EPHA6: variants seen among roughly 807,000 people sequenced by gnomAD.
The protein encoded by EPHA6 is EPH receptor A6.
EPHA6 carries 50 observed loss-of-function variants against 112.0 expected under a neutral mutation model. The ratio of observed to expected loss-of-function variants is 0.45; its 90% CI spans 0.36 to 0.56. EPHA6 has a LOEUF of 0.56. Among genes scored for constraint, EPHA6 ranks in the 20% least tolerant of loss-of-function variants. The probability of loss-of-function intolerance (pLI) is 0.00; values close to 1 mark genes in which losing one functional copy is unlikely to be tolerated. For synonymous variants in EPHA6, 529 were observed against 490.7 expected, an observed-to-expected ratio of 1.08 and a Z score of -1.03; for missense variants, 1,280 against 1,417.4, an observed-to-expected ratio of 0.90 and a Z score of 1.56.
intron 14 of EPHA6, among the ~76,000 whole-genome samples, chr3:97,642,073 C>T (rs1252694570): frequency 6.2e-5 from 9 of 145,378 alleles, no homozygotes; most frequent in African/African-American, 2.3e-4. Context: ...GTGGTTCTCC[C>T]AGCACGCAGC....
intron 10 of EPHA6, among the ~76,000 whole-genome samples, chr3:97,510,226 C>T (rs1050110855): frequency 1.3e-5 from 2 of 152,156 alleles, no homozygotes; most frequent in Non-Finnish European, 2.9e-5. Context: ...AGTTTTGTTC[C>T]CTTGCTTGTG....
chr3:97,744,585 G>T (rs536956930), intron 16 of EPHA6, among the ~76,000 whole-genome samples: 122 of 152,096 alleles, frequency 8.0e-4, no homozygotes, highest in Non-Finnish European at 1.0e-4. Context: ...AAGATGCGTG[G>T]AGAGAAAGGG....
chr3:97,597,232 G>A (rs966537270), intron 12 of EPHA6, among the ~76,000 whole-genome samples: 3 of 151,962 alleles, frequency 2.0e-5, no homozygotes, highest in African/African-American at 4.8e-5. Context: ...TTGCCTGCCT[G>A]TGCTTTAAGT....
At chr3:97,301,822 T>C (rs955174872) in intron 5 of EPHA6, among the ~76,000 whole-genome samples, 12 of 152,078 alleles carry the variant, frequency 7.9e-5, no homozygotes, top group African/African-American at 2.9e-4. Flanking sequence ...GTTTAACTTA[T>C]AATTATATAA....
chr3:97,062,504 A>G (rs1022259294), intron 3 of EPHA6, among the ~76,000 whole-genome samples: 1 of 152,208 alleles, frequency 6.6e-6, no homozygotes, highest in Non-Finnish European at 1.5e-5. Flanking sequence ...CAATAATCCT[A>G]TTAAGAAGTG....
intron 9 of EPHA6, among the ~76,000 whole-genome samples, chr3:97,480,512 G>A (rs912157694): frequency 2.6e-5 from 4 of 152,070 alleles, no homozygotes; most frequent in African/African-American, 9.7e-5. Flanking sequence ...AACCCTGAGT[G>A]GACACAGCAC....
At position 97,259,799 on chromosome 3, in the gene EPHA6, A is replaced by G. The variant is rs927234495; in HGVS notation, c.1606+15512A>G. 1.2e-4 allele frequency among the ~76,000 whole-genome samples: 18 copies of G among 147,984 alleles called. No individual in the cohort carries two copies. In the South Asian group the frequency reaches 1.7e-3, roughly 14 times the overall value. ...AGGCTAGTGAAAAATAAAAGAAAGT[A>G]TACCTTTTTTTTTTTTTTTGAGACA... On this transcript the variant is annotated intron_variant, in intron 5 of 17. Transcript: ENST00000389672.
chr3:97,412,181 A>G (rs1269938638), intron 6 of EPHA6, among the ~76,000 whole-genome samples: 1 of 152,096 alleles, frequency 6.6e-6, no homozygotes, highest in African/African-American at 2.4e-5. Flanking sequence ...GGTTACAAGA[A>G]AACAAAACTC....
chr3:97,395,866 G>A (rs1480042688), intron 5 of EPHA6, among the ~76,000 whole-genome samples: 2 of 151,592 alleles, frequency 1.3e-5, no homozygotes, highest in East Asian at 1.9e-4. Flanking sequence ...GAAAAAAGGA[G>A]AGAAAAGAAA....
chr3:97,599,546 T>G (rs1054196724), intron 12 of EPHA6, among the ~76,000 whole-genome samples: 1 of 150,714 alleles, frequency 6.6e-6, no homozygotes, highest in Non-Finnish European at 1.5e-5. Context: ...TTTCTTGTTT[T>G]TCTCAGGTTT....
Position 97,258,480 on chromosome 3 carries a change from C to T in EPHA6, c.1606+14193C>T, listed in dbSNP as rs190080751. Among the ~76,000 whole-genome samples the T allele has an allele frequency of 2.0e-3, 302 of 152,182 alleles. 2 individuals carry two copies. The highest frequency in any genetic ancestry group is 6.7e-3 in the African/African-American group (277 of 41,550). ...TTGTGTTCAGTTGTGCAAACCTAAG[C>T]ATGAATGCCCTGAAAATATATAGGA... is the stretch of plus-strand genomic sequence containing the variant. On this transcript the variant is annotated intron_variant, in intron 5 of 17. Coordinates refer to ENST00000389672, the MANE Select transcript of EPHA6 (RefSeq NM_001080448.3).
At chr3:96,924,816 C>A (rs2039951611) in intron 2 of EPHA6, among the ~76,000 whole-genome samples, 1 of 151,898 alleles carries the variant, frequency 6.6e-6, no homozygotes, top group Admixed American at 6.6e-5. Flanking sequence ...TCGTTTAATA[C>A]CTAGTTTATT....
At chr3:96,829,278 A>G (rs1163471655) in intron 1 of EPHA6, among the ~76,000 whole-genome samples, 1 of 152,186 alleles carries the variant, frequency 6.6e-6, no homozygotes, top group Non-Finnish European at 1.5e-5. Context: ...AAATTACCCC[A>G]CATAGTCCAG....
At chr3:97,126,718 TA>T (rs35157365) in intron 3 of EPHA6, among the ~76,000 whole-genome samples, 65,526 of 148,204 alleles carry the variant, frequency 0.44, 15,392 homozygotes, top group African/African-American at 0.62. Context: ...TCACCTGTGT[TA>T]AAAAAAAAAA....
At chr3:97,280,129 C>T (rs2080237004) in intron 5 of EPHA6, among the ~76,000 whole-genome samples, 1 of 152,186 alleles carries the variant, frequency 6.6e-6, no homozygotes, top group East Asian at 1.9e-4. Flanking sequence ...AGTGATCCAC[C>T]CGCCTTGGCC....
chr3:96,938,698 G>A (rs938270476), intron 2 of EPHA6, among the ~76,000 whole-genome samples: 2 of 151,622 alleles, frequency 1.3e-5, no homozygotes, highest in African/African-American at 2.4e-5. Context: ...GTTTTCAAAG[G>A]GAATGCTTCC....
At chr3:97,590,720 C>T (rs2093535699) in intron 11 of EPHA6, among the ~76,000 whole-genome samples, 1 of 152,082 alleles carries the variant, frequency 6.6e-6, no homozygotes, top group Admixed American at 6.6e-5. Context: ...ATTATTTTAG[C>T]TTTTCACAGC....
At chr3:97,244,396 T>G in intron 5 of EPHA6, 109 bp downstream of exon 5, 1 of 884,876 alleles carries the variant, frequency 1.1e-6, no homozygotes, top group Non-Finnish European at 1.8e-6. Context: ...ATATACGTTA[T>G]ACACTGCAGA....
At chr3:96,842,959 T>A (rs565619545) in intron 1 of EPHA6, among the ~76,000 whole-genome samples, 1 of 152,204 alleles carries the variant, frequency 6.6e-6, no homozygotes, top group South Asian at 2.1e-4. Context: ...TCTTTAAAAT[T>A]TGGTACAGTC....
Sources: gnomAD v4.1 joint callset for allele counts (sites outside exome capture counted in the v4.1 genomes callset) on GRCh38, gnomAD v4.1.1 for gene constraint, MANE v1.5 for transcripts, NCBI Gene and HGNC (gene_info 2026-07-23, HGNC 2026-07-21) for gene names.